Variants in CA8 observed in about 807,000 individuals in gnomAD.
CA8 encodes carbonic anhydrase 8 (inactive).
A neutral mutation model predicts 41.4 loss-of-function variants in CA8; 22 were observed. That is an observed-to-expected ratio of 0.53 (90% CI 0.38 to 0.76). The LOEUF (loss-of-function observed/expected upper bound fraction) is 0.76, where lower values mean the gene tolerates loss of function less well. Among genes scored for constraint, CA8 ranks in the 30% least tolerant of loss-of-function variants. The pLI is 0.00. For missense variants in CA8, 270 were observed against 352.8 expected, an observed-to-expected ratio of 0.77 and a Z score of 1.88; for synonymous variants, 121 against 130.6, an observed-to-expected ratio of 0.93 and a Z score of 0.50.
At chr8:60,269,063 C>T (rs781782269) in intron 2 of CA8, among the ~76,000 whole-genome samples, 19 of 152,038 alleles carry the variant, frequency 1.2e-4, no homozygotes, top group Non-Finnish European at 5.9e-5. Flanking sequence ...CCATACAATG[C>T]CATAAAAAAT....
At chr8:60,233,091 G>A (rs1807714951) in intron 3 of CA8, among the ~76,000 whole-genome samples, 1 of 152,170 alleles carries the variant, frequency 6.6e-6, no homozygotes, top group African/African-American at 2.4e-5. Flanking sequence ...TAAAACACTT[G>A]CAAGAAGCCA....
intron 6 of CA8, 110 bp from the exon 7 acceptor site, chr8:60,222,871 G>A: frequency 1.4e-6 from 1 of 731,372 alleles, no homozygotes; most frequent in Non-Finnish European, 2.5e-6. Context: ...ATGCTTCTAA[G>A]ATGGATGTCA....
chr8:60,252,840 A>C (rs1808498801), intron 3 of CA8, among the ~76,000 whole-genome samples: 1 of 152,216 alleles, frequency 6.6e-6, no homozygotes, highest in South Asian at 2.1e-4. Flanking sequence ...AAACTGTGAA[A>C]AAAATTCAAA....
intron 7 of CA8, 146 bp from the exon 8 acceptor site, chr8:60,209,065 A>C: frequency 2.2e-6 from 2 of 926,178 alleles, no homozygotes; most frequent in Non-Finnish European, 3.2e-6. Flanking sequence ...AAGAAAAAAA[A>C]CAGACTTAAT....
intron 7 of CA8, among the ~76,000 whole-genome samples, chr8:60,215,322 T>C (rs1563529641): frequency 6.6e-6 from 1 of 150,624 alleles, no homozygotes; most frequent in Non-Finnish European, 1.5e-5. Flanking sequence ...CCATAATCAA[T>C]GAGTGGATAA....
intron 5 of CA8, among the ~76,000 whole-genome samples, chr8:60,226,080 C>T (rs891238320): frequency 2.6e-5 from 4 of 152,172 alleles, no homozygotes; most frequent in African/African-American, 9.7e-5. Context: ...CATATGTGTA[C>T]TTGTTTTCTT....
chr8:60,226,777 T>C (rs969717934), intron 5 of CA8, 96 bp downstream of exon 5: 2 of 729,536 alleles, frequency 2.7e-6, no homozygotes, highest in Non-Finnish European at 5.0e-6. Flanking sequence ...TTTTCTGAGA[T>C]CTGTGAGTCC....
At chr8:60,199,204 T>G (rs1322149925) in intron 8 of CA8, among the ~76,000 whole-genome samples, 1 of 152,180 alleles carries the variant, frequency 6.6e-6, no homozygotes, top group African/African-American at 2.4e-5. Context: ...AGGTAGAATA[T>G]CTCATAAAAG....
intron 7 of CA8, among the ~76,000 whole-genome samples, chr8:60,221,962 C>T (rs184554270): frequency 7.9e-5 from 12 of 152,276 alleles, no homozygotes; most frequent in Admixed American, 7.8e-4. Context: ...AACAATATAG[C>T]TCTCCAGAAC....
chr8:60,280,851 G>C (rs1384092674), intron 1 of CA8, among the ~76,000 whole-genome samples, 197 bp downstream of exon 1: 3 of 152,248 alleles, frequency 2.0e-5, no homozygotes, highest in African/African-American at 7.2e-5. Flanking sequence ...GAAGAGCGCA[G>C]GCGGCGAGCA....
chr8:60,231,378 AT>A (rs763554919), intron 4 of CA8, among the ~76,000 whole-genome samples: 21 of 152,234 alleles, frequency 1.4e-4, no homozygotes, highest in Non-Finnish European at 2.6e-4. Flanking sequence ...TCAAACATCA[AT>A]AAAGACATAT....
chr8:60,270,287 CAGG>C (rs990357329), intron 2 of CA8, among the ~76,000 whole-genome samples: 15 of 152,170 alleles, frequency 9.9e-5, no homozygotes, highest in African/African-American at 3.4e-4. Flanking sequence ...ATGGTGAGGC[CAGG>C]AGATGAAGCC....
chr8:60,244,375 C>T (rs1404188663), intron 3 of CA8, among the ~76,000 whole-genome samples: 2 of 152,204 alleles, frequency 1.3e-5, no homozygotes, highest in Non-Finnish European at 2.9e-5. Flanking sequence ...CTCCTATCTG[C>T]CCACGAGGTA....
intron 3 of CA8, among the ~76,000 whole-genome samples, chr8:60,238,651 A>G (rs1807916078): frequency 6.6e-6 from 1 of 152,060 alleles, no homozygotes. Context: ...AGCCCGACTA[A>G]TCTCTTTTTA....
intron 2 of CA8, among the ~76,000 whole-genome samples, chr8:60,274,699 G>A (rs1227883776): frequency 1.3e-5 from 2 of 152,134 alleles, no homozygotes; most frequent in South Asian, 2.1e-4. Context: ...CATGTACAGA[G>A]CAGAGGAAGA....
intron 8 of CA8, among the ~76,000 whole-genome samples, chr8:60,204,169 A>G (rs1032689152): frequency 4.6e-5 from 7 of 152,224 alleles, no homozygotes; most frequent in African/African-American, 1.4e-4. Flanking sequence ...TTTTGCTGAT[A>G]CTTGAAAGCC....
At chr8:60,225,133 C>G (rs1807384655) in intron 5 of CA8, among the ~76,000 whole-genome samples, 1 of 152,042 alleles carries the variant, frequency 6.6e-6, no homozygotes, top group African/African-American at 2.4e-5. Flanking sequence ...CTGTTCCGAT[C>G]AGTGTTTATC....
intron 3 of CA8, among the ~76,000 whole-genome samples, chr8:60,250,967 T>C (rs1328458301): frequency 6.6e-6 from 1 of 152,220 alleles, no homozygotes; most frequent in Non-Finnish European, 1.5e-5. Flanking sequence ...ATAAAACAGT[T>C]ATATTTAATT....
chr8:60,260,261 C>T (rs955533834), intron 3 of CA8, among the ~76,000 whole-genome samples: 36 of 152,144 alleles, frequency 2.4e-4, no homozygotes, highest in African/African-American at 7.0e-4. Context: ...AGTAGGCTAT[C>T]TACTAAATCC....
Sources: allele counts gnomAD v4.1 joint callset (sites outside exome capture counted in the v4.1 genomes callset), GRCh38; gene constraint gnomAD v4.1.1; transcripts MANE v1.5; gene names NCBI Gene and HGNC (gene_info 2026-07-23, HGNC 2026-07-21).